The following SGMS2 variants were observed in gnomAD, a reference collection of about 807,000 sequenced individuals.
SGMS2 encodes phosphatidylcholine:ceramide cholinephosphotransferase 2.
SGMS2 carries 21 observed loss-of-function variants against 43.8 expected under a neutral mutation model. The observed-to-expected ratio is 0.48, with a 90% CI of 0.34 to 0.69. The LOEUF (loss-of-function observed/expected upper bound fraction) is 0.69. Among genes scored for constraint, SGMS2 ranks in the 30% least tolerant of loss-of-function variants. SGMS2 has a pLI of 0.01. For synonymous variants in SGMS2, 167 were observed against 160.6 expected, an observed-to-expected ratio of 1.04 and a Z score of -0.30; for missense variants, 384 against 443.2, an observed-to-expected ratio of 0.87 and a Z score of 1.20.
At chr4:107,835,582 G>T (rs922069577) in intron 1 of SGMS2, among the ~76,000 whole-genome samples, 9 of 152,060 alleles carry the variant, frequency 5.9e-5, no homozygotes, top group African/African-American at 1.9e-4. Flanking sequence ...GTGCAGTGTC[G>T]CATCGGACTC....
chr4:107,868,321 T>C (rs2126049531), intron 2 of SGMS2, among the ~76,000 whole-genome samples: 1 of 152,320 alleles, frequency 6.6e-6, no homozygotes, highest in East Asian at 1.9e-4. Flanking sequence ...AAATTAAGGT[T>C]TCTGATTGCA....
At chr4:107,863,070 T>A (rs1224933900) in intron 2 of SGMS2, among the ~76,000 whole-genome samples, 1 of 152,118 alleles carries the variant, frequency 6.6e-6, no homozygotes, top group Non-Finnish European at 1.5e-5. Flanking sequence ...ATGGTAACTG[T>A]GAGGAGGAAG....
chr4:107,835,091 A>C (rs1182169543), intron 1 of SGMS2, among the ~76,000 whole-genome samples: 1 of 152,146 alleles, frequency 6.6e-6, no homozygotes, highest in Non-Finnish European at 1.5e-5. Flanking sequence ...GAACCCTGTG[A>C]TAACAATCCT....
At chr4:107,902,192 TA>T (rs1213746766) in intron 4 of SGMS2, among the ~76,000 whole-genome samples, 3 of 151,044 alleles carry the variant, frequency 2.0e-5, no homozygotes, top group Non-Finnish European at 2.9e-5. Context: ...GTGTAGATGA[TA>T]AGCTTTCCTT....
chr4:107,848,082 A>G (rs1277607238), intron 1 of SGMS2, among the ~76,000 whole-genome samples: 6 of 152,016 alleles, frequency 3.9e-5, no homozygotes, highest in Admixed American at 1.3e-4. Flanking sequence ...CTCCTCCCCA[A>G]TCCTCAACCT....
In SGMS2 at chr4:107,911,181, C is replaced by T. The variant is rs1732096555; in HGVS notation, c.*628C>T. 1 of 152,172 alleles carries T rather than the reference C, an allele frequency of 6.6e-6. No homozygotes were observed. The highest frequency in any genetic ancestry group is 2.4e-5 in the African/African-American group (1 of 41,400). 9.4% of individuals were successfully genotyped at this position (152,172 alleles called of 1,614,324 possible). ...TTTTGTTTTTAAAAGATCATTTTATCTTAAAAAGGAAAGCTGATCCAAGTA... is the reference window on the plus strand; with the variant it reads ...TTTTGTTTTTAAAAGATCATTTTATTTTAAAAAGGAAAGCTGATCCAAGTA... On this transcript the variant is annotated 3_prime_UTR_variant, in exon 7 of 7. Transcript: ENST00000690982.
At chr4:107,897,316 G>A (rs1309097403) in intron 3 of SGMS2, among the ~76,000 whole-genome samples, 3 of 152,158 alleles carry the variant, frequency 2.0e-5, no homozygotes, top group African/African-American at 7.2e-5. Flanking sequence ...GCTATGAGTT[G>A]TCTTTTACTT....
intron 4 of SGMS2, among the ~76,000 whole-genome samples, chr4:107,902,301 A>AAAAAAAAAAAAAAAAAAAAAAAAAAAAAT: frequency 6.6e-6 from 1 of 150,994 alleles, no homozygotes; most frequent in Non-Finnish European, 1.5e-5. Context: ...AAAAAAAAAA[A>AAAAAAAAAAAAAAAAAAAAAAAAAAAAAT]GGTCTTTCTG....
chr4:107,884,833 C>T (rs1420886130), intron 2 of SGMS2, among the ~76,000 whole-genome samples: 1 of 152,110 alleles, frequency 6.6e-6, no homozygotes, highest in Non-Finnish European at 1.5e-5. Context: ...ATGCTATGAC[C>T]ACCTTGAGCA....
chr4:107,860,054 C>T (rs1032396655), intron 2 of SGMS2, among the ~76,000 whole-genome samples: 1 of 151,976 alleles, frequency 6.6e-6, no homozygotes, highest in African/African-American at 2.4e-5. Context: ...AGAGTCTGCC[C>T]AAATTCTGCC....
In SGMS2 at chr4:107,857,157, G is replaced by T. The variant is rs79841932; in HGVS notation, c.-326-1315G>T. Among the ~76,000 whole-genome samples the T allele has an allele frequency of 9.8e-3, 1,499 of 152,256 alleles. 19 individuals are homozygous for T. The highest frequency in any genetic ancestry group is 0.034 in the African/African-American group (1,418 of 41,548). On this transcript the variant is annotated intron_variant, in intron 1 of 6. Transcript: ENST00000690982. ...ACTGGCTTCTTTCACTTAGAATAAT[G>T]TTGTCAGGATTCATTCGTGCTACAG...
intron 2 of SGMS2, among the ~76,000 whole-genome samples, chr4:107,860,161 T>G (rs1560643308): frequency 6.6e-6 from 1 of 152,124 alleles, no homozygotes; most frequent in Non-Finnish European, 1.5e-5. Flanking sequence ...TTTGCCCTCT[T>G]CATAATGTAA....
At position 107,839,998 on chromosome 4, in the gene SGMS2, C is replaced by T. The variant is rs191337618; in HGVS notation, c.-327+14745C>T. On this transcript the variant is annotated intron_variant, in intron 1 of 6. Coordinates refer to ENST00000690982, the MANE Select transcript of SGMS2 (RefSeq NM_001375905.1). ...TATTCATTAGTAAGGCTGTCTTTCACTGTCACAACTGGCCAGGTTTGGATG... is the reference window on the plus strand; with the variant it reads ...TATTCATTAGTAAGGCTGTCTTTCATTGTCACAACTGGCCAGGTTTGGATG... Among the ~76,000 whole-genome samples, 3 of 152,296 alleles carry T rather than the reference C, an allele frequency of 2.0e-5. No individual in the cohort carries two copies. In the East Asian group the frequency reaches 5.8e-4, roughly 29 times the overall value.
chr4:107,832,628 AATT>A (rs1434994659), intron 1 of SGMS2, among the ~76,000 whole-genome samples: 1 of 152,216 alleles, frequency 6.6e-6, no homozygotes, highest in Non-Finnish European at 1.5e-5. Context: ...TTGTGTATGC[AATT>A]TTGCCAAAGA....
intron 1 of SGMS2, among the ~76,000 whole-genome samples, chr4:107,829,523 T>C (rs1725770061): frequency 6.6e-6 from 1 of 152,184 alleles, no homozygotes; most frequent in Non-Finnish European, 1.5e-5. Context: ...AGAATTAAAG[T>C]CAAATCAGAT....
chr4:107,836,225 G>T (rs1726163783), intron 1 of SGMS2, among the ~76,000 whole-genome samples: 1 of 152,094 alleles, frequency 6.6e-6, no homozygotes, highest in African/African-American at 2.4e-5. Context: ...CTCCTGTACT[G>T]GGCACTGCAG....
rs75268741 is a variant in SGMS2 at position 107,892,085 on chromosome 4, C to G, written c.-244-3225C>G. 2.5e-3 allele frequency among the ~76,000 whole-genome samples: 364 copies of G among 148,552 alleles called. 1 individual carries two copies. Among genetic ancestry groups the G allele is most frequent in the East Asian group, 0.017 (85 of 5,090 alleles). On this transcript the variant is annotated intron_variant, in intron 2 of 6. Transcript: ENST00000690982. ...CCCTCACTATCTGCCTAAATAACTT[C>G]TATCTCCTGTGTCACTAGGAGCAGG...
rs571896163 is a variant in SGMS2, at chr4:107,891,387, G to A, written c.-244-3923G>A. ...AGCACTCTAATGGTAAAGACATTAA[G>A]ACCAGCTGGTTGTTGATTTTAACTT... is the stretch of plus-strand genomic sequence containing the variant. On this transcript the variant is annotated intron_variant, in intron 2 of 6. Transcript: ENST00000690982. Among the ~76,000 whole-genome samples, 3 of 152,168 alleles carry A rather than the reference G, an allele frequency of 2.0e-5. No individual in the cohort carries two copies. The East Asian group carries it at 5.8e-4, about 29-fold the overall frequency.
Position 107,904,698 on chromosome 4 carries a change from G to A in SGMS2, c.727+1312G>A, listed in dbSNP as rs1025188627. On this transcript the variant is annotated intron_variant, in intron 5 of 6. Coordinates refer to ENST00000690982, the MANE Select transcript of SGMS2 (RefSeq NM_001375905.1). ...CTGTTCTCACACTCTTGTGGTGGTGGAGTGGGTCCTGGATCTGTCTCTGCA... is the reference window on the plus strand; with the variant it reads ...CTGTTCTCACACTCTTGTGGTGGTGAAGTGGGTCCTGGATCTGTCTCTGCA... Among the ~76,000 whole-genome samples, 48 of 152,122 alleles carry A rather than the reference G, an allele frequency of 3.2e-4. 1 individual carries two copies. Among genetic ancestry groups the A allele is most frequent in the African/African-American group, 1.1e-3 (46 of 41,420 alleles).
Sources: gnomAD v4.1 joint callset for allele counts (sites outside exome capture counted in the v4.1 genomes callset) on GRCh38, gnomAD v4.1.1 for gene constraint, MANE v1.5 for transcripts, NCBI Gene and HGNC (gene_info 2026-07-23, HGNC 2026-07-21) for gene names.